ABCA1: variants seen among roughly 807,000 people sequenced by gnomAD.
ABCA1 encodes ATP binding cassette subfamily A member 1.
ABCA1 carries 133 observed loss-of-function variants against 262.5 expected under a neutral mutation model. That is an observed-to-expected ratio of 0.51 (90% CI 0.44 to 0.59). The LOEUF is 0.59. Among genes scored for constraint, ABCA1 ranks in the 20% least tolerant of loss-of-function variants. The pLI is 0.00. For missense variants in ABCA1, 2,452 were observed against 2,777.5 expected (o/e 0.88, Z 2.63); for synonymous variants, 1,022 against 1,043.5 (o/e 0.98, Z 0.40).
chr9:104,917,179 G>A (rs181344118), intron 1 of ABCA1, among the ~76,000 whole-genome samples: 6 of 152,340 alleles, frequency 3.9e-5, no homozygotes, highest in Admixed American at 2.0e-4. Flanking sequence ...AGAGAGACAA[G>A]AGTTTGAATC....
chr9:104,899,865 C>T (rs1397959730), intron 2 of ABCA1, among the ~76,000 whole-genome samples: 1 of 152,142 alleles, frequency 6.6e-6, no homozygotes, highest in African/African-American at 2.4e-5. Context: ...AGATGAGGAT[C>T]GTGAAAGCTC....
rs1016765316 is a variant in ABCA1, at chr9:104,841,720, G to A, written c.814-1201C>T. 5.3e-5 allele frequency among the ~76,000 whole-genome samples: 8 copies of A among 152,154 alleles called. 1 individual carries two copies. Among genetic ancestry groups the A allele is most frequent in the South Asian group, 4.1e-4 (2 of 4,822 alleles). On this transcript the variant is annotated intron_variant, in intron 8 of 49. Transcript: ENST00000374736. ...CAAATCCTATGCCACACAAGAGGGT[G>A]CCCTGCATAGAACAGTCCCAACAGC...
chr9:104,906,815 A>C (rs1841180512), intron 1 of ABCA1, among the ~76,000 whole-genome samples: 1 of 151,978 alleles, frequency 6.6e-6, no homozygotes, highest in Non-Finnish European at 1.5e-5. Context: ...AATGTTTCAA[A>C]TGCAGTACAC....
intron 18 of ABCA1, 94 bp from the exon 19 acceptor site, chr9:104,822,761 G>T: frequency 1.4e-6 from 2 of 1,447,102 alleles, no homozygotes; most frequent in Non-Finnish European, 1.9e-6. Context: ...TTTCAGAAGT[G>T]CCTTCTCTCC....
intron 1 of ABCA1, among the ~76,000 whole-genome samples, chr9:104,909,625 C>T (rs1016327400): frequency 6.7e-6 from 1 of 148,940 alleles, no homozygotes; most frequent in Non-Finnish European, 1.5e-5. Context: ...CACACACACA[C>T]ACACACACAC....
rs952584432 is a variant in ABCA1 at position 104,800,051 on chromosome 9, A to C, written c.4774-63T>G. On this transcript the variant is annotated intron_variant, in intron 35 of 49. Coordinates refer to ENST00000374736, the MANE Select transcript of ABCA1 (RefSeq NM_005502.4). ...AAACCGGGCTCCTGCAGGCAGGTGC[A>C]TACCCACCAACCATGCCCATAAACC... The C allele has an allele frequency of 1.9e-6, 3 of 1,578,920 alleles. No individual in the cohort carries two copies. The African/African-American group carries it at 4.0e-5, about 21-fold the overall frequency.
Position 104,825,692 on chromosome 9 carries a change from C to T in ABCA1, c.2533G>A (p.Val845Ile). Residue 845 changes from valine (V) to isoleucine (I), a missense_variant, in exon 17 of 50, where the codon GTC becomes ATC. By Grantham distance (29) the Val-to-Ile change is conservative (BLOSUM62 3). This residue lies in a region of ABCA1 where 1,032 missense variants were observed against 1,089.7 expected (regional missense o/e 0.95). Coordinates refer to ENST00000374736, the MANE Select transcript of ABCA1 (RefSeq NM_005502.4). The stretch of plus-strand genomic sequence containing the variant: ...GCCCAAAGCAGTGTACCTGGAAAGA[C>T]AGCCTCAATGTACCAGGTCATCACC... ...YGVMTWYIEAVFPGQYGIPRP... is the reference protein window; with the variant it reads ...YGVMTWYIEAIFPGQYGIPRP... The T allele has an allele frequency of 1.2e-6, 2 of 1,614,210 alleles. No homozygotes were observed. Among genetic ancestry groups the T allele is most frequent in the Non-Finnish European group, 1.7e-6 (2 of 1,180,008 alleles).
rs1588283203 is a variant in ABCA1 at position 104,816,140 on chromosome 9, T to G, written c.3738+3A>C. On this transcript the variant is annotated splice_donor_region_variant and intron_variant, in intron 25 of 49. Coordinates refer to ENST00000374736, the MANE Select transcript of ABCA1 (RefSeq NM_005502.4). ...TATTCCGACAGTCAGCCACTTAACT[T>G]ACTTCTTCCAGGGTCGTCTCTGAGA... is the stretch of plus-strand genomic sequence containing the variant. 10 of 1,614,142 alleles carry G rather than the reference T, an allele frequency of 6.2e-6. No individual in the cohort carries two copies. In the East Asian group the frequency reaches 2.2e-4, roughly 36 times the overall value.
intron 1 of ABCA1, among the ~76,000 whole-genome samples, chr9:104,907,790 G>A (rs2118460524): frequency 6.6e-6 from 1 of 152,350 alleles, no homozygotes; most frequent in East Asian, 1.9e-4. Context: ...GCAGGGCCAT[G>A]CAGTCGACTT....
intron 2 of ABCA1, among the ~76,000 whole-genome samples, chr9:104,903,309 G>A (rs1840819287): frequency 6.6e-6 from 1 of 152,182 alleles, no homozygotes; most frequent in South Asian, 2.1e-4. Context: ...TCCCAGGGCT[G>A]CAGCAAAAGG....
At chr9:104,898,833 A>C (rs1314404543) in intron 2 of ABCA1, among the ~76,000 whole-genome samples, 2 of 152,104 alleles carry the variant, frequency 1.3e-5, no homozygotes, top group Admixed American at 6.6e-5. Context: ...TCTCAGCTTT[A>C]ATGTGACAAC....
chr9:104,796,624 A>G (rs1829918216), intron 37 of ABCA1, among the ~76,000 whole-genome samples, 200 bp from the exon 38 acceptor site: 1 of 152,218 alleles, frequency 6.6e-6, no homozygotes, highest in Non-Finnish European at 1.5e-5. Context: ...CTGATTTTAT[A>G]AACTACATGC....
At chr9:104,825,007 T>C (rs1454300619) in intron 17 of ABCA1, among the ~76,000 whole-genome samples, 2 of 152,238 alleles carry the variant, frequency 1.3e-5, no homozygotes, top group Non-Finnish European at 1.5e-5. Flanking sequence ...TAAATCTTGC[T>C]CTCTCAGAAT....
chr9:104,896,565 CA>C (rs1197153953), intron 2 of ABCA1, among the ~76,000 whole-genome samples: 1 of 151,756 alleles, frequency 6.6e-6, no homozygotes, highest in Non-Finnish European at 1.5e-5. Context: ...TTCTGAGAGG[CA>C]AAAAGGTAAG....
intron 8 of ABCA1, among the ~76,000 whole-genome samples, chr9:104,844,951 C>T (rs1430315983): frequency 6.6e-6 from 1 of 152,176 alleles, no homozygotes; most frequent in Non-Finnish European, 1.5e-5. Flanking sequence ...AACATGTGGA[C>T]CTAAAAGGCA....
intron 7 of ABCA1, chr9:104,855,733 C>T: frequency 6.5e-7 from 1 of 1,545,866 alleles, no homozygotes; most frequent in Non-Finnish European, 8.7e-7. Context: ...GACATCAATG[C>T]TGGTAAAATA....
At chr9:104,870,369 G>T (rs1000347305) in intron 5 of ABCA1, among the ~76,000 whole-genome samples, 2 of 152,204 alleles carry the variant, frequency 1.3e-5, no homozygotes, top group Non-Finnish European at 2.9e-5. Context: ...AGAGGAGATG[G>T]CCAGAGGGTC....
rs547738950 is a variant in ABCA1 at position 104,818,783 on chromosome 9, G to A, written c.3342C>T (p.Ser1114=). 11 of 1,614,086 alleles carry A rather than the reference G, an allele frequency of 6.8e-6. No homozygotes were observed. Among genetic ancestry groups the A allele is most frequent in the East Asian group, 2.2e-5 (1 of 44,888 alleles). The change falls in exon 23 of 50, where the codon TCC becomes TCT. Residue 1114 remains serine (S), a synonymous_variant. Transcript: ENST00000374736. ...ISHGKLCCVG[S]SLFLKNQLGT... The stretch of plus-strand genomic sequence containing the variant: ...CCAGCTGGTTCTTCAGAAACAGGGA[G>A]GAGCCCACACAGCACAGCTTCCCAT...
In ABCA1 at chr9:104,825,709, G is replaced by C; in HGVS notation, c.2516C>G (p.Thr839Ser). The stretch of plus-strand genomic sequence containing the variant: ...TGGAAAGACAGCCTCAATGTACCAG[G>C]TCATCACCCCATAGAGGAAGGTGTC... ...LFDTFLYGVMTWYIEAVFPGQ... is the reference protein window; with the variant it reads ...LFDTFLYGVMSWYIEAVFPGQ... The change falls in exon 17 of 50, where the codon ACC (threonine) becomes AGC (serine). Residue 839 changes from threonine (T) to serine (S), a missense_variant. Around this residue, in one of 4 missense-constraint regions of ABCA1, gnomAD observed 1,032 missense variants for 1,089.7 expected, o/e 0.95. Coordinates refer to ENST00000374736, the MANE Select transcript of ABCA1 (RefSeq NM_005502.4). 6.2e-7 allele frequency: 1 copy of C among 1,614,200 alleles called. No homozygotes were observed.
Sources: allele counts gnomAD v4.1 joint callset (sites outside exome capture counted in the v4.1 genomes callset), GRCh38; gene constraint gnomAD v4.1.1; regional missense constraint gnomAD v4.1.1; transcripts MANE v1.5; gene names NCBI Gene and HGNC (gene_info 2026-07-23, HGNC 2026-07-21).